The following CSMD1 variants were observed in gnomAD, a reference collection of about 807,000 sequenced individuals.
CSMD1 encodes the protein CUB and sushi domain-containing protein 1.
Under a neutral mutation model 417.5 loss-of-function variants are expected in CSMD1, and 213 were observed. The ratio of observed to expected loss-of-function variants is 0.51; its 90% CI spans 0.46 to 0.57. The LOEUF is 0.57. CSMD1 is among the 20% of genes least tolerant of loss of function. The probability of loss-of-function intolerance (pLI) is 0.00; values close to 1 mark genes in which losing one functional copy is unlikely to be tolerated. For missense variants in CSMD1, 6,923 were observed against 4,529.7 expected (o/e 1.53, Z -15.17); for synonymous variants, 2,862 against 1,736.8 (o/e 1.65, Z -16.11).
chr8:3,952,171 G>T (rs1374604359), intron 5 of CSMD1, among the ~76,000 whole-genome samples: 1 of 152,154 alleles, frequency 6.6e-6, no homozygotes, highest in African/African-American at 2.4e-5. Context: ...ATGGGACAGA[G>T]CAGAAACTGT....
chr8:4,185,260 G>A (rs11136708), intron 3 of CSMD1, among the ~76,000 whole-genome samples: 25,741 of 151,720 alleles, frequency 0.17, 2,367 homozygotes, highest in East Asian at 0.29. Context: ...CCTACCCCTT[G>A]CAATTCGTCA....
intron 3 of CSMD1, among the ~76,000 whole-genome samples, chr8:4,323,819 T>C (rs1234664982): frequency 6.6e-6 from 1 of 152,164 alleles, no homozygotes; most frequent in Non-Finnish European, 1.5e-5. Flanking sequence ...GGGCAGCTCC[T>C]AATAACCTCC....
At chr8:4,909,055 TGAA>T (rs1370425797) in intron 1 of CSMD1, among the ~76,000 whole-genome samples, 1 of 152,204 alleles carries the variant, frequency 6.6e-6, no homozygotes, top group African/African-American at 2.4e-5. Context: ...GACTTTAGCA[TGAA>T]GATTTGTGTT....
At chr8:4,249,688 G>T (rs145074741) in intron 3 of CSMD1, among the ~76,000 whole-genome samples, 1 of 152,132 alleles carries the variant, frequency 6.6e-6, no homozygotes, top group African/African-American at 2.4e-5. Context: ...TACCGCTGTT[G>T]TAGCGAAATA....
chr8:3,328,114 G>A (rs1403938260), intron 23 of CSMD1, among the ~76,000 whole-genome samples: 2 of 152,178 alleles, frequency 1.3e-5, no homozygotes, highest in South Asian at 2.1e-4. Context: ...GTTTGTTTCT[G>A]CTATTGTGAT....
At chr8:3,733,411 G>C (rs2720817) in intron 6 of CSMD1, among the ~76,000 whole-genome samples, 1 of 149,144 alleles carries the variant, frequency 6.7e-6, no homozygotes. Context: ...ATAGAAACCT[G>C]TAAGAATGTA....
chr8:3,378,436 G>T (rs895704994), intron 18 of CSMD1, among the ~76,000 whole-genome samples: 4 of 151,876 alleles, frequency 2.6e-5, no homozygotes, highest in African/African-American at 9.7e-5. Context: ...CCTGGCAAAG[G>T]CACAGCAAAA....
intron 2 of CSMD1, among the ~76,000 whole-genome samples, chr8:4,632,011 T>C (rs775909853): frequency 2.6e-5 from 4 of 152,226 alleles, no homozygotes; most frequent in Non-Finnish European, 5.9e-5. Flanking sequence ...TTTATCACAG[T>C]TGGAAATAGA....
chr8:3,971,462 T>C (rs946064954), intron 5 of CSMD1, among the ~76,000 whole-genome samples: 5 of 152,316 alleles, frequency 3.3e-5, no homozygotes, highest in Middle Eastern at 3.4e-3. Context: ...ACTAATGCAA[T>C]TGCAAGTTGA....
chr8:3,182,841 G>GGTATGT, intron 36 of CSMD1: 1 of 11,478 alleles, frequency 8.7e-5, no homozygotes, highest in East Asian at 6.0e-3. Flanking sequence ...TTTATAAGAA[G>GGTATGT]GTGTGTGTGT....
intron 23 of CSMD1, among the ~76,000 whole-genome samples, chr8:3,333,167 C>G (rs1355635349): frequency 1.3e-5 from 2 of 152,182 alleles, no homozygotes; most frequent in Admixed American, 6.5e-5. Context: ...TGAAGAGGCC[C>G]CTGACACTCA....
intron 3 of CSMD1, among the ~76,000 whole-genome samples, chr8:4,258,655 T>G (rs1298836341): frequency 7.1e-6 from 1 of 141,682 alleles, no homozygotes; most frequent in Non-Finnish European, 1.6e-5. Context: ...CCCTCAGAAC[T>G]TCATCTAAAA....
At chr8:4,164,541 G>A (rs1402657598) in intron 3 of CSMD1, among the ~76,000 whole-genome samples, 4 of 152,058 alleles carry the variant, frequency 2.6e-5, no homozygotes, top group Admixed American at 2.6e-4. Flanking sequence ...GATATAAGCT[G>A]TTGTATAAGC....
chr8:4,642,848 T>C (rs1290436586), intron 1 of CSMD1, among the ~76,000 whole-genome samples: 4 of 152,212 alleles, frequency 2.6e-5, no homozygotes, highest in South Asian at 2.1e-4. Flanking sequence ...TATTTTGACA[T>C]GTAATTGGGT....
chr8:4,567,295 T>C (rs908430388), intron 2 of CSMD1, among the ~76,000 whole-genome samples: 6 of 152,302 alleles, frequency 3.9e-5, no homozygotes, highest in African/African-American at 1.4e-4. Context: ...TCAGAGCTTG[T>C]AAAACCCAAT....
At chr8:4,371,076 C>G (rs148069637) in intron 3 of CSMD1, among the ~76,000 whole-genome samples, 2 of 152,300 alleles carry the variant, frequency 1.3e-5, no homozygotes, top group African/African-American at 2.4e-5. Flanking sequence ...TTTGAAGTTA[C>G]TGTTCTTTAG....
chr8:3,019,343 T>C (rs1809152403), intron 51 of CSMD1, among the ~76,000 whole-genome samples: 1 of 152,186 alleles, frequency 6.6e-6, no homozygotes, highest in African/African-American at 2.4e-5. Flanking sequence ...TCTCTACCTT[T>C]CTTTCCATAT....
chr8:3,908,111 G>A (rs1563199746), intron 5 of CSMD1, among the ~76,000 whole-genome samples: 1 of 152,134 alleles, frequency 6.6e-6, no homozygotes, highest in Non-Finnish European at 1.5e-5. Flanking sequence ...GAGGCTTTAT[G>A]GAGCCCCTCT....
At chr8:4,183,289 A>G (rs1421865198) in intron 3 of CSMD1, among the ~76,000 whole-genome samples, 5 of 152,190 alleles carry the variant, frequency 3.3e-5, no homozygotes, top group African/African-American at 1.2e-4. Context: ...AAATATTTAC[A>G]CTACAGAATC....
Sources: allele counts gnomAD v4.1 joint callset (sites outside exome capture counted in the v4.1 genomes callset), GRCh38; gene constraint gnomAD v4.1.1; transcripts MANE v1.5; gene names NCBI Gene and HGNC (gene_info 2026-07-23, HGNC 2026-07-21).